The following MAGI2 variants were observed in gnomAD, a reference collection of about 807,000 sequenced individuals.
MAGI2 encodes the protein membrane-associated guanylate kinase, WW and PDZ domain-containing protein 2.
MAGI2 carries 35 observed loss-of-function variants against 133.3 expected under a neutral mutation model. The observed-to-expected ratio is 0.26, with a 90% CI of 0.20 to 0.35. The LOEUF (loss-of-function observed/expected upper bound fraction) is 0.35, where lower values mean the gene tolerates loss of function less well. MAGI2 is among the 10% of genes least tolerant of loss of function. The pLI is 1.00. For synonymous variants in MAGI2, 729 were observed against 710.6 expected (o/e 1.03, Z -0.41); for missense variants, 1,636 against 1,863.4 (o/e 0.88, Z 2.25).
intron 1 of MAGI2, among the ~76,000 whole-genome samples, chr7:79,058,367 A>T (rs975729928): frequency 6.6e-6 from 1 of 152,136 alleles, no homozygotes; most frequent in Non-Finnish European, 1.5e-5. Flanking sequence ...GGAACATAGG[A>T]TTCTAGAAAA....
chr7:78,700,556 A>G (rs1419571149), intron 2 of MAGI2, among the ~76,000 whole-genome samples: 3 of 152,134 alleles, frequency 2.0e-5, no homozygotes, highest in Non-Finnish European at 2.9e-5. Context: ...GACAGTGTTT[A>G]AACCTGAAAC....
intron 1 of MAGI2, among the ~76,000 whole-genome samples, chr7:79,281,006 G>A (rs941532083): frequency 7.0e-6 from 1 of 142,300 alleles, no homozygotes; most frequent in African/African-American, 2.6e-5. Context: ...TTTTCCAAGG[G>A]AGCATAACCT....
At chr7:79,133,944 T>C (rs991996482) in intron 1 of MAGI2, among the ~76,000 whole-genome samples, 2 of 152,196 alleles carry the variant, frequency 1.3e-5, no homozygotes, top group African/African-American at 4.8e-5. Context: ...GAAACCTTTG[T>C]CTTTATAGAG....
intron 2 of MAGI2, among the ~76,000 whole-genome samples, chr7:78,962,634 G>A (rs553013544): frequency 1.3e-5 from 2 of 151,502 alleles, no homozygotes; most frequent in African/African-American, 4.8e-5. Context: ...AAGATTCTAT[G>A]AATGTAATGG....
In MAGI2 at chr7:78,212,682, AT is replaced by A. The variant is rs1787885663; in HGVS notation, c.2048-11490del. Among the ~76,000 whole-genome samples, 7 of 152,306 alleles carry A rather than the reference AT, an allele frequency of 4.6e-5. No homozygotes were observed. In the South Asian group the frequency reaches 1.5e-3, roughly 32 times the overall value. ...ATTATGGTAGCAGTAGCAAATCCAT[AT>A]AGCTGGCATCTTTCCTAAGCACTTC... On this transcript the variant is annotated intron_variant, in intron 10 of 21. Transcript: ENST00000354212.
At chr7:78,372,074 G>A (rs1467544286) in intron 6 of MAGI2, among the ~76,000 whole-genome samples, 2 of 151,944 alleles carry the variant, frequency 1.3e-5, no homozygotes, top group Non-Finnish European at 2.9e-5. Context: ...GTATGTATAT[G>A]TATATATGCA....
intron 2 of MAGI2, among the ~76,000 whole-genome samples, chr7:78,639,285 A>T (rs952449779): frequency 6.6e-6 from 1 of 152,220 alleles, no homozygotes; most frequent in Admixed American, 6.5e-5. Context: ...CAGGGATTTC[A>T]ATTATATTGA....
chr7:79,098,595 A>G (rs1817710250), intron 1 of MAGI2, among the ~76,000 whole-genome samples: 1 of 152,246 alleles, frequency 6.6e-6, no homozygotes, highest in Non-Finnish European at 1.5e-5. Flanking sequence ...CTACTTAAAT[A>G]GACCTTTACT....
At chr7:79,400,405 A>G (rs1563188987) in intron 1 of MAGI2, among the ~76,000 whole-genome samples, 1 of 152,226 alleles carries the variant, frequency 6.6e-6, no homozygotes, top group Non-Finnish European at 1.5e-5. Context: ...AAACAAAGTC[A>G]TAGTGCTGAC....
chr7:78,634,644 T>C (rs1261090625), intron 2 of MAGI2, among the ~76,000 whole-genome samples: 1 of 152,202 alleles, frequency 6.6e-6, no homozygotes, highest in Admixed American at 6.5e-5. Context: ...TTGAAGTGGT[T>C]ACTTACTTTT....
chr7:78,389,960 A>G (rs1192690395), intron 6 of MAGI2, among the ~76,000 whole-genome samples: 2 of 152,238 alleles, frequency 1.3e-5, no homozygotes, highest in Non-Finnish European at 2.9e-5. Context: ...TGTGTTTTTA[A>G]CAATCAGACT....
chr7:78,787,611 G>A (rs11981818), intron 2 of MAGI2, among the ~76,000 whole-genome samples: 74,095 of 151,988 alleles, frequency 0.49, 18,365 homozygotes, highest in South Asian at 0.56. Context: ...CCCCGTTACT[G>A]CCAAAACCAT....
At chr7:79,133,975 T>C (rs1821160651) in intron 1 of MAGI2, among the ~76,000 whole-genome samples, 1 of 152,236 alleles carries the variant, frequency 6.6e-6, no homozygotes, top group African/African-American at 2.4e-5. Flanking sequence ...TCATCTCTTC[T>C]GTTGCATCAA....
intron 1 of MAGI2, among the ~76,000 whole-genome samples, chr7:79,313,360 T>C (rs1563105235): frequency 6.6e-6 from 1 of 152,168 alleles, no homozygotes; most frequent in Non-Finnish European, 1.5e-5. Context: ...CAGCTATATG[T>C]CCAGGATCTA....
At chr7:79,218,131 AT>A (rs1205361463) in intron 1 of MAGI2, among the ~76,000 whole-genome samples, 1 of 151,988 alleles carries the variant, frequency 6.6e-6, no homozygotes, top group Non-Finnish European at 1.5e-5. Context: ...ATACTACAGA[AT>A]TTTCTGAAGT....
In MAGI2 at chr7:78,390,451, G is replaced by C. The variant is rs570910633; in HGVS notation, c.1046-21238C>G. On this transcript the variant is annotated intron_variant, in intron 6 of 21. Transcript: ENST00000354212. ...CAACATTTATTGAAAACTGTGCAGA[G>C]AGCTGGGGATTTACATTTTTCTGTG... Among the ~76,000 whole-genome samples the C allele has an allele frequency of 1.1e-4, 17 of 152,264 alleles. No homozygotes were observed. The South Asian group carries it at 3.5e-3, about 32-fold the overall frequency.
At chr7:78,511,122 C>T (rs1181844665) in intron 4 of MAGI2, among the ~76,000 whole-genome samples, 1 of 152,148 alleles carries the variant, frequency 6.6e-6, no homozygotes, top group East Asian at 1.9e-4. Flanking sequence ...CTGCTGGAAG[C>T]TGGCTTAGAA....
intron 1 of MAGI2, among the ~76,000 whole-genome samples, chr7:79,253,145 A>G (rs994420173): frequency 3.9e-5 from 6 of 152,230 alleles, no homozygotes; most frequent in Admixed American, 1.3e-4. Context: ...TACAAACTCC[A>G]GAAAGTGTCA....
At chr7:78,099,893 A>G (rs1818051003) in intron 20 of MAGI2, among the ~76,000 whole-genome samples, 1 of 152,234 alleles carries the variant, frequency 6.6e-6, no homozygotes, top group African/African-American at 2.4e-5. Context: ...AGTGTGGTCA[A>G]TTTAAAAGGA....
Sources: allele counts gnomAD v4.1 joint callset (sites outside exome capture counted in the v4.1 genomes callset), GRCh38; gene constraint gnomAD v4.1.1; transcripts MANE v1.5; gene names NCBI Gene and HGNC (gene_info 2026-07-23, HGNC 2026-07-21).